The following ALS2 variants were observed in gnomAD, a reference collection of about 807,000 sequenced individuals.
ALS2 encodes the protein alsin Rho guanine nucleotide exchange factor ALS2, also known as alsin.
ALS2 carries 117 observed loss-of-function variants against 203.4 expected under a neutral mutation model. That is an observed-to-expected ratio of 0.58 (90% CI 0.50 to 0.67). The LOEUF is 0.67. Ranked by LOEUF, ALS2 falls within the 30% of genes least tolerant of loss-of-function variation. ALS2 has a pLI of 0.00. For synonymous variants in ALS2, 718 were observed against 725.9 expected, an observed-to-expected ratio of 0.99 and a Z score of 0.17; for missense variants, 1,715 against 1,989.4, an observed-to-expected ratio of 0.86 and a Z score of 2.62.
intron 11 of ALS2, 116 bp downstream of exon 11, chr2:201,741,558 C>T (rs1356776862): frequency 8.9e-7 from 1 of 1,124,394 alleles, no homozygotes; most frequent in Admixed American, 1.9e-5. Flanking sequence ...TACTGCTTTG[C>T]AATTTCTATT....
rs771785319 is a variant in ALS2, at chr2:201,715,654, G to A, written c.4004+18C>T. ...TTCCTAACATGCTCTGCTGTATGTTGAGCAGGTGTTCACTCACCTGTCTCT... is the reference window on the plus strand; with the variant it reads ...TTCCTAACATGCTCTGCTGTATGTTAAGCAGGTGTTCACTCACCTGTCTCT... On this transcript the variant is annotated intron_variant, in intron 25 of 33. Transcript: ENST00000264276. 4.3e-6 allele frequency: 7 copies of A among 1,613,818 alleles called. No individual in the cohort carries two copies. The South Asian group carries it at 5.5e-5, about 13-fold the overall frequency.
At chr2:201,738,922 AG>A (rs1019996489) in intron 11 of ALS2, among the ~76,000 whole-genome samples, 187 bp from the exon 12 acceptor site, 2 of 152,154 alleles carry the variant, frequency 1.3e-5, no homozygotes, top group African/African-American at 4.8e-5. Flanking sequence ...AGGGAGTGGT[AG>A]GGGAATTCCA....
At chr2:201,725,228 T>C (rs1391181948) in intron 20 of ALS2, 128 bp downstream of exon 20, 1 of 753,652 alleles carries the variant, frequency 1.3e-6, no homozygotes. Flanking sequence ...CAATTTTATT[T>C]ACTCCTCTAA....
chr2:201,765,026 C>T (rs745897420), intron 3 of ALS2, among the ~76,000 whole-genome samples: 34 of 150,468 alleles, frequency 2.3e-4, no homozygotes, highest in Admixed American at 7.3e-4. Context: ...CAGGATCTTA[C>T]TTTGTCAGCT....
intron 23 of ALS2, chr2:201,722,454 A>C (rs1455289972): frequency 6.6e-6 from 1 of 152,434 alleles, no homozygotes; most frequent in Non-Finnish European, 1.5e-5. Context: ...TCAATTTACC[A>C]TACAACTTAG....
rs1369651579 is a variant in ALS2, at chr2:201,704,255, C to T, written c.4839-37G>A. 2.5e-6 allele frequency: 4 copies of T among 1,573,674 alleles called. No individual in the cohort carries two copies. The African/African-American group carries it at 4.0e-5, about 16-fold the overall frequency. ...AGAAAAAGATGCTGAGTTATTTTCACTTACATGTCCATTCTCCTTTTGAAT... is the reference window on the plus strand; with the variant it reads ...AGAAAAAGATGCTGAGTTATTTTCATTTACATGTCCATTCTCCTTTTGAAT... On this transcript the variant is annotated intron_variant, in intron 32 of 33. Transcript: ENST00000264276.
chr2:201,780,257 T>C (rs1694836826), intron 1 of ALS2, among the ~76,000 whole-genome samples: 4 of 152,228 alleles, frequency 2.6e-5, no homozygotes, highest in Admixed American at 2.0e-4. Flanking sequence ...CTGTGTTATT[T>C]TTCTGGCTTC....
At chr2:201,759,735 T>G (rs1354658824) in intron 4 of ALS2, 17 of 985,010 alleles carry the variant, frequency 1.7e-5, no homozygotes, top group Non-Finnish European at 2.0e-5. Context: ...AATACCTTCA[T>G]GTTCACATTC....
chr2:201,750,505 A>C (rs1162413570), intron 7 of ALS2, among the ~76,000 whole-genome samples: 4 of 152,204 alleles, frequency 2.6e-5, no homozygotes, highest in Non-Finnish European at 5.9e-5. Context: ...TGTAGATAAA[A>C]GTACTATGGA....
At chr2:201,771,261 G>A (rs1694370255) in intron 1 of ALS2, among the ~76,000 whole-genome samples, 1 of 151,962 alleles carries the variant, frequency 6.6e-6, no homozygotes, top group African/African-American at 2.4e-5. Context: ...TGGCCAGGCT[G>A]GTCTCGAACT....
intron 27 of ALS2, among the ~76,000 whole-genome samples, 195 bp from the exon 28 acceptor site, chr2:201,708,186 C>A (rs1218507107): frequency 6.6e-6 from 1 of 152,040 alleles, no homozygotes; most frequent in Non-Finnish European, 1.5e-5. Flanking sequence ...AAAATCTTCA[C>A]GTGCTATGAT....
chr2:201,704,132 G>A lies in ALS2; in HGVS notation c.4925C>T (p.Thr1642Ile). 6.2e-7 allele frequency: 1 copy of A among 1,611,656 alleles called. No homozygotes were observed. Among genetic ancestry groups the A allele is most frequent in the Non-Finnish European group, 8.5e-7 (1 of 1,177,776 alleles). The change falls in exon 33 of 34, where the codon ACC becomes ATC. Residue 1642 changes from threonine to isoleucine, a missense_variant. By Grantham distance (89) the Thr-to-Ile change is moderately conservative. Coordinates refer to ENST00000264276, the MANE Select transcript of ALS2 (RefSeq NM_020919.4). ...LQHGEQGIMF[T>I]TLKACYYQIQ... Reference sequence around the variant, plus strand: ...AATAACTATACTCACCTTCAAGGTGGTGAACATTATACCCTGTTCCCCATG... The same window carrying A: ...AATAACTATACTCACCTTCAAGGTGATGAACATTATACCCTGTTCCCCATG...
At position 201,707,887 on chromosome 2, in the gene ALS2, G is replaced by T; in HGVS notation, c.4385C>A (p.Ser1462Tyr). ...SFCTGKSDSR[S>Y]ESPEPGYVVT... ...CATTTACCCTGGCTCTGGTGATTCA[G>T]ATCGGGAATCTGACTTCCCAGTGCA... Residue 1462 changes from serine (S) to tyrosine (Y), a missense_variant, in exon 28 of 34, where the codon TCT becomes TAT. By Grantham distance (144) the Ser-to-Tyr change is moderately radical. This residue lies in a region of ALS2 where 1,227 missense variants were observed against 1,413.5 expected (regional missense o/e 0.87). Coordinates refer to ENST00000264276, the MANE Select transcript of ALS2 (RefSeq NM_020919.4). 1.2e-6 allele frequency: 2 copies of T among 1,613,516 alleles called. No homozygotes were observed. The highest frequency in any genetic ancestry group is 1.1e-5 in the South Asian group (1 of 91,050).
chr2:201,733,205 G>C, intron 13 of ALS2, 71 bp downstream of exon 13: 1 of 1,492,298 alleles, frequency 6.7e-7, no homozygotes, highest in Admixed American at 1.7e-5. Context: ...ATCTTGTGGT[G>C]GCATAATCCA....
intron 27 of ALS2, among the ~76,000 whole-genome samples, chr2:201,708,576 C>T (rs964621913): frequency 1.3e-5 from 2 of 152,226 alleles, no homozygotes; most frequent in Admixed American, 6.5e-5. Flanking sequence ...TTAGAGTCCT[C>T]AGTGTCTATT....
chr2:201,700,602 C>T lies in ALS2; in HGVS notation c.*1249G>A, dbSNP rs886055451. On this transcript the variant is annotated 3_prime_UTR_variant, in exon 34 of 34. Coordinates refer to ENST00000264276, the MANE Select transcript of ALS2 (RefSeq NM_020919.4). ...AAAATTGCTGTTACATTACAGCCAACATTCCAAAACAGTATTTTAATAAAC... is the reference window on the plus strand; with the variant it reads ...AAAATTGCTGTTACATTACAGCCAATATTCCAAAACAGTATTTTAATAAAC... The T allele has an allele frequency of 1.3e-5, 2 of 152,640 alleles. No homozygotes were observed. The highest frequency in any genetic ancestry group is 6.5e-5 in the Admixed American group (1 of 15,280). The allele number at this position is 152,640 out of a possible 1,614,324, so 9.5% of individuals were successfully genotyped here.
intron 11 of ALS2, among the ~76,000 whole-genome samples, chr2:201,739,304 G>T (rs1692108932): frequency 6.8e-6 from 1 of 147,560 alleles, no homozygotes; most frequent in South Asian, 2.2e-4. Context: ...AAGCTAAGCA[G>T]AAAATGCAGT....
At chr2:201,753,325 G>T in intron 6 of ALS2, 83 bp from the exon 7 acceptor site, 1 of 1,114,080 alleles carries the variant, frequency 9.0e-7, no homozygotes, top group Non-Finnish European at 1.4e-6. Flanking sequence ...AAGTGCTGTC[G>T]TGTAAAAATA....
At chr2:201,735,757 A>G (rs1403434307) in intron 12 of ALS2, among the ~76,000 whole-genome samples, 1 of 152,190 alleles carries the variant, frequency 6.6e-6, no homozygotes, top group Non-Finnish European at 1.5e-5. Flanking sequence ...TAACTCGGAA[A>G]TACCAGAGGA....
Sources: gnomAD v4.1 joint callset for allele counts (sites outside exome capture counted in the v4.1 genomes callset) on GRCh38, gnomAD v4.1.1 for gene constraint, gnomAD v4.1.1 regional missense constraint, MANE v1.5 for transcripts, NCBI Gene and HGNC (gene_info 2026-07-23, HGNC 2026-07-21) for gene names.